Variants in FGF14 observed in about 807,000 individuals in gnomAD.
FGF14 encodes fibroblast growth factor 14, also known as fibroblast growth factor homologous factor 4.
A neutral mutation model predicts 25.5 loss-of-function variants in FGF14; 5 were observed. That is an observed-to-expected ratio of 0.20 (90% CI 0.10 to 0.41). The LOEUF is 0.41. Ranked by LOEUF, FGF14 falls within the 10% of genes least tolerant of loss-of-function variation. The pLI, the probability that FGF14 is intolerant of heterozygous loss-of-function variation, is 1.00. For synonymous variants in FGF14, 138 were observed against 118.3 expected, an observed-to-expected ratio of 1.17 and a Z score of -1.08; for missense variants, 222 against 320.1, an observed-to-expected ratio of 0.69 and a Z score of 2.34.
chr13:101,786,559 A>G (rs1391200071), intron 3 of FGF14, among the ~76,000 whole-genome samples: 1 of 152,038 alleles, frequency 6.6e-6, no homozygotes, highest in Non-Finnish European at 1.5e-5. Context: ...CCTCCCCTGT[A>G]TCCTCACAGG....
chr13:102,320,425 T>G (rs937436105), intron 1 of FGF14, among the ~76,000 whole-genome samples: 3 of 152,204 alleles, frequency 2.0e-5, no homozygotes, highest in Non-Finnish European at 4.4e-5. Flanking sequence ...TGCATTCAGT[T>G]GGTGCTGCAC....
intron 1 of FGF14, among the ~76,000 whole-genome samples, chr13:102,328,982 T>G (rs2056550314): frequency 6.6e-6 from 1 of 152,104 alleles, no homozygotes; most frequent in Non-Finnish European, 1.5e-5. Context: ...CTAAGTTTAT[T>G]TTCCATTTTT....
chr13:102,253,277 C>T (rs1019519331), intron 1 of FGF14, among the ~76,000 whole-genome samples: 1 of 152,148 alleles, frequency 6.6e-6, no homozygotes, highest in Non-Finnish European at 1.5e-5. Flanking sequence ...CTAGTTTACA[C>T]TCCCACCAAC....
intron 1 of FGF14, among the ~76,000 whole-genome samples, chr13:102,072,396 G>A (rs549103050): frequency 1.6e-3 from 239 of 152,094 alleles, no homozygotes; most frequent in African/African-American, 5.5e-3. Flanking sequence ...AGGATGGAGG[G>A]CAAAGTATCA....
At chr13:101,910,468 T>C (rs1196678759) in intron 1 of FGF14, among the ~76,000 whole-genome samples, 7 of 152,074 alleles carry the variant, frequency 4.6e-5, no homozygotes, top group Admixed American at 4.6e-4. Context: ...CCCTTCCCTA[T>C]GGTGATGCCG....
At chr13:102,031,097 T>TAC (rs1304227267) in intron 1 of FGF14, among the ~76,000 whole-genome samples, 1 of 152,098 alleles carries the variant, frequency 6.6e-6, no homozygotes, top group East Asian at 1.9e-4. Flanking sequence ...GTCCATGTTT[T>TAC]ACATTTATGC....
intron 1 of FGF14, among the ~76,000 whole-genome samples, chr13:102,328,568 T>A (rs947059598): frequency 6.6e-6 from 1 of 152,248 alleles, no homozygotes; most frequent in Non-Finnish European, 1.5e-5. Context: ...TGTCCATTCA[T>A]GGAGCTCCCA....
chr13:102,175,829 C>A (rs541706830), intron 1 of FGF14, among the ~76,000 whole-genome samples: 1 of 152,110 alleles, frequency 6.6e-6, no homozygotes, highest in African/African-American at 2.4e-5. Context: ...TTTAATATCA[C>A]TAATCATCAG....
At chr13:102,173,311 T>C (rs1356582340) in intron 1 of FGF14, among the ~76,000 whole-genome samples, 1 of 151,876 alleles carries the variant, frequency 6.6e-6, no homozygotes, top group Non-Finnish European at 1.5e-5. Context: ...AAGATGACTG[T>C]CATAAAAAAA....
chr13:102,382,653 T>C (rs1351797083), intron 1 of FGF14, among the ~76,000 whole-genome samples: 1 of 152,088 alleles, frequency 6.6e-6, no homozygotes, highest in Non-Finnish European at 1.5e-5. Context: ...CATATGTCCA[T>C]GTAAAAATGT....
Position 101,721,528 on chromosome 13 carries a change from C to CAGATGCTGAGCT in FGF14, c.*1291_*1302dup, listed in dbSNP as rs1243316381. ...CCCAGCCACTGGGCAACATGAGCCC[C>CAGATGCTGAGCT]AGATGCTGAGCTAGAGGCATGTACT... On this transcript the variant is annotated 3_prime_UTR_variant, in exon 5 of 5. Transcript: ENST00000376143. 6.6e-6 allele frequency: 1 copy of CAGATGCTGAGCT among 152,080 alleles called. No homozygotes were observed. The highest frequency in any genetic ancestry group is 2.4e-5 in the African/African-American group (1 of 41,430). The allele number at this position is 152,080 out of a possible 1,614,324, so 9.4% of individuals were successfully genotyped here.
intron 3 of FGF14, among the ~76,000 whole-genome samples, chr13:101,735,659 T>G (rs2139746868): frequency 6.8e-6 from 1 of 147,870 alleles, no homozygotes; most frequent in Non-Finnish European, 1.5e-5. Context: ...GATTGCCAAT[T>G]ATCCCCATAG....
intron 1 of FGF14, among the ~76,000 whole-genome samples, chr13:102,119,823 T>C (rs969011753): frequency 5.9e-5 from 9 of 152,224 alleles, no homozygotes; most frequent in Non-Finnish European, 1.3e-4. Flanking sequence ...TGTTTCCGTA[T>C]GTTTGAACAC....
At chr13:102,183,120 G>A (rs547686844) in intron 1 of FGF14, among the ~76,000 whole-genome samples, 17 of 151,972 alleles carry the variant, frequency 1.1e-4, no homozygotes, top group African/African-American at 4.1e-4. Context: ...ACTATGGAGC[G>A]CTATATAAAA....
At chr13:102,391,896 A>G (rs887444059) in intron 1 of FGF14, among the ~76,000 whole-genome samples, 1 of 152,262 alleles carries the variant, frequency 6.6e-6, no homozygotes, top group African/African-American at 2.4e-5. Flanking sequence ...CAGCAATACA[A>G]CTAAAGAAGA....
intron 1 of FGF14, among the ~76,000 whole-genome samples, chr13:102,108,578 A>T (rs993902259): frequency 3.3e-5 from 5 of 152,224 alleles, no homozygotes; most frequent in Non-Finnish European, 5.9e-5. Flanking sequence ...TAATCTCCCC[A>T]AAGGTTAGGT....
intron 1 of FGF14, among the ~76,000 whole-genome samples, chr13:102,177,282 G>C (rs1440908209): frequency 6.6e-6 from 1 of 152,160 alleles, no homozygotes; most frequent in Non-Finnish European, 1.5e-5. Context: ...GCCAGAGTTT[G>C]AGTCTGGGTA....
rs550893982 is a variant in FGF14, at chr13:101,719,998, T to G, written c.*2833A>C. 1.1e-4 allele frequency: 17 copies of G among 152,296 alleles called. No individual in the cohort carries two copies. The highest frequency in any genetic ancestry group is 3.9e-4 in the Admixed American group (6 of 15,280). The allele number at this position is 152,296 out of a possible 1,614,324, so 9.4% of individuals were successfully genotyped here. Reference sequence around the variant, plus strand: ...CTTATTTACATGACATTTCTCTATATTGGTGAGTAATGCAATGCCATTTTG... The same window carrying G: ...CTTATTTACATGACATTTCTCTATAGTGGTGAGTAATGCAATGCCATTTTG... On this transcript the variant is annotated 3_prime_UTR_variant, in exon 5 of 5. Coordinates refer to ENST00000376143, the MANE Select transcript of FGF14 (RefSeq NM_004115.4).
At chr13:101,909,371 C>T (rs1325195109) in intron 1 of FGF14, among the ~76,000 whole-genome samples, 1 of 152,116 alleles carries the variant, frequency 6.6e-6, no homozygotes, top group Non-Finnish European at 1.5e-5. Flanking sequence ...CCAGAATCTA[C>T]AATGAACTCA....
Sources: allele counts gnomAD v4.1 joint callset (sites outside exome capture counted in the v4.1 genomes callset), GRCh38; gene constraint gnomAD v4.1.1; transcripts MANE v1.5; gene names NCBI Gene and HGNC (gene_info 2026-07-23, HGNC 2026-07-21).